The following RBFOX1 variants were observed in gnomAD, a reference collection of about 807,000 sequenced individuals.
The protein encoded by RBFOX1 is RNA binding fox-1 homolog 1, also known as RNA binding protein fox-1 homolog 1.
A neutral mutation model predicts 57.7 loss-of-function variants in RBFOX1; 8 were observed. The ratio of observed to expected loss-of-function variants is 0.14; its 90% CI spans 0.08 to 0.25. The LOEUF (loss-of-function observed/expected upper bound fraction) is 0.25, where lower values mean the gene tolerates loss of function less well. RBFOX1 is among the 10% of genes least tolerant of loss of function. The pLI is 1.00. For missense variants in RBFOX1, 611 were observed against 548.5 expected (o/e 1.11, Z -1.14); for synonymous variants, 326 against 222.4 (o/e 1.47, Z -4.15).
chr16:7,490,226 C>G (rs1158763062), intron 4 of RBFOX1, among the ~76,000 whole-genome samples: 1 of 152,192 alleles, frequency 6.6e-6, no homozygotes, highest in African/African-American at 2.4e-5. Flanking sequence ...TTTCTCATTA[C>G]TGAGAAAAGA....
intron 2 of RBFOX1, among the ~76,000 whole-genome samples, chr16:5,476,792 C>G (rs956759560): frequency 2.0e-5 from 3 of 152,178 alleles, no homozygotes; most frequent in Non-Finnish European, 2.9e-5. Flanking sequence ...GAAGTTTCTT[C>G]TATTTTCTGG....
rs3041543 is a variant in RBFOX1, at chr16:5,854,582, TCA to T, written c.319-12696_319-12695del. 6.9e-3 allele frequency among the ~76,000 whole-genome samples: 1,029 copies of T among 148,502 alleles called. 8 individuals carry two copies. The highest frequency in any genetic ancestry group is 0.017 in the African/African-American group (671 of 40,418). On this transcript the variant is annotated intron_variant, in intron 3 of 19. Transcript: ENST00000641259. ...ACCCCCCCCACACACAAGCACACAT[TCA>T]CACACACACACACACACACACACAT...
At chr16:7,373,254 C>G (rs2097606065) in intron 4 of RBFOX1, among the ~76,000 whole-genome samples, 1 of 152,082 alleles carries the variant, frequency 6.6e-6, no homozygotes, top group Non-Finnish European at 1.5e-5. Context: ...ACTTTTAATT[C>G]TAAAACAACA....
At chr16:7,239,740 G>A (rs2093960705) in intron 4 of RBFOX1, among the ~76,000 whole-genome samples, 2 of 152,090 alleles carry the variant, frequency 1.3e-5, no homozygotes, top group South Asian at 4.1e-4. Flanking sequence ...TGCTGATGTT[G>A]TATTCATGTT....
At chr16:7,066,880 C>G (rs996529419) in intron 4 of RBFOX1, among the ~76,000 whole-genome samples, 1 of 152,160 alleles carries the variant, frequency 6.6e-6, no homozygotes, top group African/African-American at 2.4e-5. Flanking sequence ...TAGCCATTTA[C>G]TTATTTTGAA....
chr16:7,695,560 G>C (rs548371044), intron 14 of RBFOX1, among the ~76,000 whole-genome samples: 1 of 149,928 alleles, frequency 6.7e-6, no homozygotes, highest in East Asian at 2.0e-4. Flanking sequence ...GACTGAGGCA[G>C]AGAATTGCTT....
chr16:7,672,815 C>T (rs542576089), intron 13 of RBFOX1, among the ~76,000 whole-genome samples: 6 of 115,526 alleles, frequency 5.2e-5, no homozygotes, highest in South Asian at 3.0e-4. Flanking sequence ...TGCAGTGAGC[C>T]GAGATTGCGC....
At chr16:7,622,516 TAGTC>T (rs1312529111) in intron 10 of RBFOX1, among the ~76,000 whole-genome samples, 1 of 152,192 alleles carries the variant, frequency 6.6e-6, no homozygotes, top group African/African-American at 2.4e-5. Flanking sequence ...AAACAATAAA[TAGTC>T]AAGGAACAAA....
chr16:7,612,638 G>T (rs184787905), intron 10 of RBFOX1, among the ~76,000 whole-genome samples: 3 of 151,890 alleles, frequency 2.0e-5, no homozygotes, highest in Non-Finnish European at 4.4e-5. Flanking sequence ...TTTAAAAGCA[G>T]TATCTTCTAG....
intron 3 of RBFOX1, among the ~76,000 whole-genome samples, chr16:7,013,378 G>C (rs2093744531): frequency 6.6e-6 from 1 of 152,180 alleles, no homozygotes; most frequent in Non-Finnish European, 1.5e-5. Context: ...AGGAAAAATT[G>C]CCCACTTTCT....
chr16:7,298,098 TC>T, intron 4 of RBFOX1, among the ~76,000 whole-genome samples: 1 of 152,296 alleles, frequency 6.6e-6, no homozygotes, highest in East Asian at 1.9e-4. Flanking sequence ...TAGAGATTTT[TC>T]CAAGGAAAGA....
intron 4 of RBFOX1, among the ~76,000 whole-genome samples, chr16:7,458,004 C>T (rs2058857646): frequency 6.6e-6 from 1 of 152,114 alleles, no homozygotes; most frequent in Non-Finnish European, 1.5e-5. Flanking sequence ...TACCCTGGTG[C>T]CTGCTTGGTT....
At chr16:5,572,771 A>G (rs1375126986) in intron 2 of RBFOX1, among the ~76,000 whole-genome samples, 1 of 152,190 alleles carries the variant, frequency 6.6e-6, no homozygotes, top group African/African-American at 2.4e-5. Flanking sequence ...AGGTGAGGGA[A>G]TGTACTCTGT....
chr16:6,882,383 G>A (rs1271498478), intron 3 of RBFOX1, among the ~76,000 whole-genome samples: 1 of 151,966 alleles, frequency 6.6e-6, no homozygotes, highest in Non-Finnish European at 1.5e-5. Flanking sequence ...TAACCTCTCT[G>A]ATTCTCTCTC....
At chr16:6,042,608 G>A (rs2095449949) in intron 1 of RBFOX1, among the ~76,000 whole-genome samples, 1 of 152,150 alleles carries the variant, frequency 6.6e-6, no homozygotes, top group South Asian at 2.1e-4. Context: ...AACTCTGGAA[G>A]ATATTTAAAG....
At chr16:6,794,818 T>C (rs767215461) in intron 3 of RBFOX1, among the ~76,000 whole-genome samples, 1 of 152,288 alleles carries the variant, frequency 6.6e-6, no homozygotes, top group East Asian at 1.9e-4. Context: ...GGATTTTTAT[T>C]TGATGCAGGC....
rs569218529 is a variant in RBFOX1 at position 5,545,659 on chromosome 16, T to TA, written c.259-53234dup. Among the ~76,000 whole-genome samples the TA allele has an allele frequency of 5.0e-3, 758 of 151,198 alleles. 5 individuals are homozygous for TA. The highest frequency in any genetic ancestry group is 6.8e-3 in the Middle Eastern group (2 of 294). ...TAAGAATTTAACATCTATTCTCAAT[T>TA]AAAAAAAAACCCCTCATCAAGTAGG... On this transcript the variant is annotated intron_variant, in intron 2 of 2. Coordinates refer to the RBFOX1 transcript ENST00000585867.
intron 13 of RBFOX1, among the ~76,000 whole-genome samples, chr16:7,674,455 A>G (rs1230810072): frequency 6.6e-6 from 1 of 152,222 alleles, no homozygotes; most frequent in Admixed American, 6.5e-5. Context: ...CAAGTGGTCT[A>G]CTGCACAGCA....
chr16:7,710,349 A>T, intron 15 of RBFOX1: 1 of 1,278,302 alleles, frequency 7.8e-7, no homozygotes, highest in Admixed American at 4.2e-5. Flanking sequence ...AGACAGTGAA[A>T]ATCCTTCCAT....
Sources: allele counts gnomAD v4.1 joint callset (sites outside exome capture counted in the v4.1 genomes callset), GRCh38; gene constraint gnomAD v4.1.1; transcripts MANE v1.5; gene names NCBI Gene and HGNC (gene_info 2026-07-23, HGNC 2026-07-21).